TTC29: variants seen among roughly 807,000 people sequenced by gnomAD.
The protein encoded by TTC29 is tetratricopeptide repeat domain 29.
TTC29 carries 49 observed loss-of-function variants against 58.1 expected under a neutral mutation model. The observed-to-expected ratio is 0.84, with a 90% confidence interval of 0.67 to 1.07. The LOEUF (loss-of-function observed/expected upper bound fraction) is 1.07, where lower values mean the gene tolerates loss of function less well. Among genes scored for constraint, TTC29 ranks in the 50% least tolerant of loss-of-function variants. The probability of loss-of-function intolerance (pLI) is 0.00; values close to 1 mark genes in which losing one functional copy is unlikely to be tolerated. For missense variants in TTC29, 582 were observed against 555.6 expected (o/e 1.05, Z -0.48); for synonymous variants, 209 against 196.8 (o/e 1.06, Z -0.52).
At chr4:146,886,427 C>A (rs13111575) in intron 6 of TTC29, among the ~76,000 whole-genome samples, 42,885 of 151,708 alleles carry the variant, frequency 0.28, 6,635 homozygotes, top group South Asian at 0.41. Context: ...TCTTAAAAAA[C>A]CATCCTTTAT....
At chr4:146,762,683 C>A (rs1304430608) in intron 11 of TTC29, among the ~76,000 whole-genome samples, 1 of 151,884 alleles carries the variant, frequency 6.6e-6, no homozygotes, top group Non-Finnish European at 1.5e-5. Context: ...TTCAAGTAAT[C>A]ATAAAATGCA....
At chr4:146,841,423 G>C (rs890468939) in intron 8 of TTC29, among the ~76,000 whole-genome samples, 2 of 151,914 alleles carry the variant, frequency 1.3e-5, no homozygotes, top group African/African-American at 4.8e-5. Context: ...TCTGGCTGGT[G>C]ACCTTAACTA....
At chr4:146,766,705 G>A (rs1437649503) in intron 11 of TTC29, among the ~76,000 whole-genome samples, 1 of 151,996 alleles carries the variant, frequency 6.6e-6, no homozygotes, top group Non-Finnish European at 1.5e-5. Context: ...GGTTTTATAA[G>A]ATCTTTGGCA....
At chr4:146,798,795 G>A (rs1438765106) in intron 11 of TTC29, among the ~76,000 whole-genome samples, 3 of 143,328 alleles carry the variant, frequency 2.1e-5, no homozygotes, top group African/African-American at 7.7e-5. Flanking sequence ...GCTGAGGCAG[G>A]AGAATGGCAT....
intron 11 of TTC29, among the ~76,000 whole-genome samples, chr4:146,781,553 T>A (rs1203883174): frequency 6.6e-6 from 1 of 151,972 alleles, no homozygotes; most frequent in Non-Finnish European, 1.5e-5. Flanking sequence ...CTGTAAGATC[T>A]GCTCAGCACA....
chr4:146,941,036 C>T (rs1382676239), intron 2 of TTC29, among the ~76,000 whole-genome samples: 1 of 152,138 alleles, frequency 6.6e-6, no homozygotes, highest in East Asian at 1.9e-4. Flanking sequence ...ATTAGGAAGG[C>T]AAGTCTATAA....
intron 11 of TTC29, among the ~76,000 whole-genome samples, chr4:146,789,673 A>C (rs1431045694): frequency 6.6e-6 from 1 of 152,218 alleles, no homozygotes; most frequent in East Asian, 1.9e-4. Context: ...ACTAAGCTAG[A>C]CTACAATAGA....
intron 11 of TTC29, among the ~76,000 whole-genome samples, chr4:146,744,260 A>T (rs1425644728): frequency 6.6e-6 from 1 of 152,018 alleles, no homozygotes; most frequent in Non-Finnish European, 1.5e-5. Context: ...TGCCAGGCAC[A>T]GTGGCTCATG....
chr4:146,941,323 C>T (rs1277580503), intron 2 of TTC29, among the ~76,000 whole-genome samples: 1 of 152,076 alleles, frequency 6.6e-6, no homozygotes, highest in African/African-American at 2.4e-5. Flanking sequence ...CTGTGTGACC[C>T]AGGGAAAATC....
chr4:146,809,811 G>T (rs1025444028), intron 10 of TTC29, among the ~76,000 whole-genome samples: 1 of 149,950 alleles, frequency 6.7e-6, no homozygotes, highest in African/African-American at 2.4e-5. Context: ...TTTATCCGTT[G>T]GTGGGCGTGT....
intron 11 of TTC29, among the ~76,000 whole-genome samples, chr4:146,796,243 C>A (rs1749827037): frequency 6.6e-6 from 1 of 151,548 alleles, no homozygotes; most frequent in Admixed American, 6.6e-5. Flanking sequence ...GTTTTAAAAA[C>A]CCATAATAAT....
intron 4 of TTC29, among the ~76,000 whole-genome samples, chr4:146,922,267 C>A (rs1440478260): frequency 2.0e-5 from 3 of 150,184 alleles, no homozygotes; most frequent in South Asian, 2.1e-4. Context: ...TAAAAAAAAA[C>A]CCTAACAAAA....
chr4:146,749,501 G>A (rs899493769), intron 11 of TTC29, among the ~76,000 whole-genome samples: 1 of 152,068 alleles, frequency 6.6e-6, no homozygotes, highest in Non-Finnish European at 1.5e-5. Context: ...AAGAATAAAA[G>A]AGTGAAGATA....
intron 11 of TTC29, among the ~76,000 whole-genome samples, chr4:146,721,558 G>T (rs760333021): frequency 5.9e-5 from 9 of 152,096 alleles, no homozygotes; most frequent in Non-Finnish European, 7.4e-5. Context: ...TGCAGCTTAT[G>T]ATTTACTTTA....
chr4:146,728,314 A>T (rs1183359516), intron 11 of TTC29, among the ~76,000 whole-genome samples: 5 of 151,662 alleles, frequency 3.3e-5, no homozygotes, highest in Non-Finnish European at 5.9e-5. Context: ...AAAAGATTCC[A>T]CGCAGCAATG....
At chr4:146,717,854 CCTGT>C (rs1300550801) in intron 11 of TTC29, among the ~76,000 whole-genome samples, 6 of 152,088 alleles carry the variant, frequency 3.9e-5, no homozygotes, top group Non-Finnish European at 8.8e-5. Flanking sequence ...CCTTATTCCT[CCTGT>C]CTAATTGAGG....
chr4:146,801,645 T>C (rs1750225606), intron 11 of TTC29, among the ~76,000 whole-genome samples: 1 of 151,584 alleles, frequency 6.6e-6, no homozygotes, highest in African/African-American at 2.4e-5. Context: ...AAATAAAACA[T>C]AAAAAGTATA....
intron 11 of TTC29, among the ~76,000 whole-genome samples, chr4:146,719,905 C>A (rs1053249535): frequency 2.0e-5 from 3 of 152,026 alleles, no homozygotes; most frequent in Non-Finnish European, 2.9e-5. Flanking sequence ...TCTAAAAATG[C>A]AAATCATTTG....
At chr4:146,860,710 T>C (rs1730172720) in intron 8 of TTC29, among the ~76,000 whole-genome samples, 1 of 152,180 alleles carries the variant, frequency 6.6e-6, no homozygotes, top group Non-Finnish European at 1.5e-5. Context: ...ATTTTTCCAT[T>C]TAATATTTTC....
Sources: allele counts gnomAD v4.1 joint callset (sites outside exome capture counted in the v4.1 genomes callset), GRCh38; gene constraint gnomAD v4.1.1; transcripts MANE v1.5; gene names NCBI Gene and HGNC (gene_info 2026-07-23, HGNC 2026-07-21).